ABCB1: variants seen among roughly 807,000 people sequenced by gnomAD.
ABCB1 encodes ATP-dependent translocase ABCB1.
Under a neutral mutation model 142.0 loss-of-function variants are expected in ABCB1, and 69 were observed. The ratio of observed to expected loss-of-function variants is 0.49; its 90% CI spans 0.40 to 0.59. ABCB1 has a LOEUF of 0.59. ABCB1 is among the 20% of genes least tolerant of loss of function. The pLI is 0.00. For missense variants in ABCB1, 1,326 were observed against 1,554.7 expected (o/e 0.85, Z 2.47); for synonymous variants, 532 against 539.2 (o/e 0.99, Z 0.18).
chr7:87,537,122 C>A (rs1400556506), intron 19 of ABCB1: 1 of 156,068 alleles, frequency 6.4e-6, no homozygotes, highest in Non-Finnish European at 1.4e-5. Flanking sequence ...TAAAAGCCAC[C>A]CCCTTCCTCT....
At chr7:87,689,555 A>G (rs1329604714) in intron 1 of ABCB1, among the ~76,000 whole-genome samples, 1 of 152,172 alleles carries the variant, frequency 6.6e-6, no homozygotes, top group African/African-American at 2.4e-5. Flanking sequence ...CTAATTAGCT[A>G]ATTATTAATT....
chr7:87,661,807 A>C (rs958539417), intron 1 of ABCB1, among the ~76,000 whole-genome samples: 1 of 151,974 alleles, frequency 6.6e-6, no homozygotes, highest in African/African-American at 2.4e-5. Context: ...TTTAATTTTA[A>C]GTTTTATGAG....
chr7:87,519,007 A>G, intron 23 of ABCB1: 3 of 386,330 alleles, frequency 7.8e-6, no homozygotes, highest in Non-Finnish European at 1.4e-5. Flanking sequence ...GGAGCCAGTC[A>G]GACTCCTTGC....
At chr7:87,689,669 G>C (rs1344915449) in intron 1 of ABCB1, among the ~76,000 whole-genome samples, 1 of 152,108 alleles carries the variant, frequency 6.6e-6, no homozygotes, top group Non-Finnish European at 1.5e-5. Context: ...AGTGGACTTT[G>C]TTCATTTTAG....
intron 1 of ABCB1, among the ~76,000 whole-genome samples, chr7:87,705,682 C>T (rs1829520258): frequency 6.6e-6 from 1 of 152,152 alleles, no homozygotes; most frequent in Admixed American, 6.5e-5. Flanking sequence ...AGAATCAGCA[C>T]TCTTAGAAAA....
chr7:87,610,992 C>T (rs1303317295), intron 1 of ABCB1, among the ~76,000 whole-genome samples: 1 of 152,188 alleles, frequency 6.6e-6, no homozygotes, highest in African/African-American at 2.4e-5. Context: ...CTATATCCAC[C>T]ATCCATTTTC....
In ABCB1 at chr7:87,575,095, T is replaced by C. The variant is rs374041983; in HGVS notation, c.287-4872A>G. Reference sequence around the variant, plus strand: ...GAGAGATACATTAGACCTTTCTACCTGGCAAGAAAAGCCTTTTCTAAACCC... The same window carrying C: ...GAGAGATACATTAGACCTTTCTACCCGGCAAGAAAAGCCTTTTCTAAACCC... On this transcript the variant is annotated intron_variant, in intron 4 of 27. Transcript: ENST00000622132. Among the ~76,000 whole-genome samples the C allele has an allele frequency of 7.2e-5, 11 of 152,314 alleles. No homozygotes were observed. In the East Asian group the frequency reaches 1.7e-3, roughly 24 times the overall value.
intron 1 of ABCB1, among the ~76,000 whole-genome samples, chr7:87,647,744 C>A (rs536336694): frequency 8.4e-4 from 128 of 152,158 alleles, no homozygotes; most frequent in African/African-American, 3.0e-3. Flanking sequence ...CAAACCATTA[C>A]ATAACTAACA....
intron 21 of ABCB1, among the ~76,000 whole-genome samples, chr7:87,524,000 A>G (rs1815662123): frequency 6.6e-6 from 1 of 152,194 alleles, no homozygotes; most frequent in Admixed American, 6.5e-5. Context: ...TCTAATAAAG[A>G]CACATTTAAT....
intron 1 of ABCB1, among the ~76,000 whole-genome samples, chr7:87,679,089 T>C (rs1826660815): frequency 1.8e-3 from 1 of 566 alleles, no homozygotes; most frequent in Admixed American, 0.028. Flanking sequence ...CACCCCAACT[T>C]TTTTTTTTTT....
At chr7:87,649,937 G>T (rs1439787106) in intron 1 of ABCB1, among the ~76,000 whole-genome samples, 2 of 152,110 alleles carry the variant, frequency 1.3e-5, no homozygotes, top group Non-Finnish European at 2.9e-5. Context: ...TTCATCTTCT[G>T]CCATAATTGT....
At position 87,545,859 on chromosome 7, in the gene ABCB1, A is replaced by G. The variant is rs201859423; in HGVS notation, c.1887+4T>C. 32 of 1,613,878 alleles carry G rather than the reference A, an allele frequency of 2.0e-5. No individual in the cohort carries two copies. Among genetic ancestry groups the G allele is most frequent in the Non-Finnish European group, 2.6e-5 (31 of 1,179,938 alleles). ...CTTAGGAAAATTCTGAAGTTAAACTATACCTGCATTGTGACAAGTTTGAAG... is the reference window on the plus strand; with the variant it reads ...CTTAGGAAAATTCTGAAGTTAAACTGTACCTGCATTGTGACAAGTTTGAAG... On this transcript the variant is annotated splice_donor_region_variant and intron_variant, in intron 15 of 27. Transcript: ENST00000622132.
At chr7:87,563,984 A>T (rs1207596703) in intron 7 of ABCB1, among the ~76,000 whole-genome samples, 2 of 152,154 alleles carry the variant, frequency 1.3e-5, no homozygotes, top group South Asian at 2.1e-4. Context: ...GGATACATAG[A>T]GGGGAACAAC....
At chr7:87,526,489 C>T (rs1815789167) in intron 21 of ABCB1, among the ~76,000 whole-genome samples, 1 of 151,466 alleles carries the variant, frequency 6.6e-6, no homozygotes, top group South Asian at 2.1e-4. Flanking sequence ...GAGACCAGCC[C>T]AGGCAACACA....
intron 5 of ABCB1, among the ~76,000 whole-genome samples, chr7:87,569,539 TG>T (rs1374709402): frequency 6.6e-6 from 1 of 152,176 alleles, no homozygotes; most frequent in East Asian, 1.9e-4. Flanking sequence ...GTATTTTTTC[TG>T]GGATGTTTTA....
chr7:87,518,548 T>A (rs1394169937), intron 23 of ABCB1, among the ~76,000 whole-genome samples: 1 of 152,188 alleles, frequency 6.6e-6, no homozygotes, highest in Non-Finnish European at 1.5e-5. Context: ...CTGTAATGCA[T>A]GAACAACTCA....
In ABCB1 at chr7:87,626,009, CATAT is replaced by C. The variant is rs775649461; in HGVS notation, c.-330-24935_-330-24932del. Among the ~76,000 whole-genome samples, 343 of 112,010 alleles carry C rather than the reference CATAT, an allele frequency of 3.1e-3. 5 individuals are homozygous for C. The highest frequency in any genetic ancestry group is 6.2e-3 in the African/African-American group (170 of 27,522). 73.5% of individuals were successfully genotyped at this position (112,010 alleles called of 152,430 possible). ...ATATGTACATATATATGTATATGTA[CATAT>C]ATATATATATAGAGAGAGAGAGAGA... is the stretch of plus-strand genomic sequence containing the variant. On this transcript the variant is annotated intron_variant, in intron 1 of 28. Transcript: ENST00000265724.
chr7:87,689,385 A>G (rs1194109086), intron 1 of ABCB1, among the ~76,000 whole-genome samples: 1 of 152,120 alleles, frequency 6.6e-6, no homozygotes, highest in Non-Finnish European at 1.5e-5. Flanking sequence ...ATTAGCATAG[A>G]GCAATTTGCA....
At chr7:87,690,198 AT>A (rs751715727) in intron 1 of ABCB1, among the ~76,000 whole-genome samples, 41 of 152,024 alleles carry the variant, frequency 2.7e-4, no homozygotes, top group Non-Finnish European at 5.0e-4. Context: ...AATTTAAAAT[AT>A]TTTTATTACT....
Sources: gnomAD v4.1 joint callset for allele counts (sites outside exome capture counted in the v4.1 genomes callset) on GRCh38, gnomAD v4.1.1 for gene constraint, MANE v1.5 for transcripts, NCBI Gene and HGNC (gene_info 2026-07-23, HGNC 2026-07-21) for gene names.